SHANK2: variants seen among roughly 807,000 people sequenced by gnomAD.
SHANK2 encodes the protein SH3 and multiple ankyrin repeat domains 2.
Under a neutral mutation model 133.7 loss-of-function variants are expected in SHANK2, and 43 were observed. That is an observed-to-expected ratio of 0.32 (90% CI 0.25 to 0.41). The LOEUF (loss-of-function observed/expected upper bound fraction) is 0.41, where lower values mean the gene tolerates loss of function less well. Ranked by LOEUF, SHANK2 falls within the 10% of genes least tolerant of loss-of-function variation. SHANK2 has a pLI of 1.00. For missense variants in SHANK2, 1,994 were observed against 2,235.8 expected (o/e 0.89, Z 2.18); for synonymous variants, 1,017 against 952.8 (o/e 1.07, Z -1.24).
chr11:70,570,060 G>A (rs1234953862), intron 17 of SHANK2, among the ~76,000 whole-genome samples: 5 of 152,168 alleles, frequency 3.3e-5, no homozygotes, highest in African/African-American at 7.2e-5. Context: ...TGAGCTGTTC[G>A]GTTGGGCCTC....
intron 8 of SHANK2, among the ~76,000 whole-genome samples, chr11:71,090,347 CCTCT>C: frequency 7.4e-5 from 1 of 13,512 alleles, no homozygotes; most frequent in African/African-American, 3.4e-4. Flanking sequence ...AGAAACACAA[CCTCT>C]GTGTGTGTGT....
In SHANK2 at chr11:70,479,060, C is replaced by T. The variant is rs778841463; in HGVS notation, c.4980-5621G>A. Among the ~76,000 whole-genome samples the T allele has an allele frequency of 1.3e-5, 2 of 152,148 alleles. No individual in the cohort carries two copies. Among genetic ancestry groups the T allele is most frequent in the African/African-American group, 2.4e-5 (1 of 41,416 alleles). Reference sequence around the variant, plus strand: ...GACTTGAGATTTGCCTGTTGATGGGCAAGGACGAGGCACTCCCATTCATCC... The same window carrying T: ...GACTTGAGATTTGCCTGTTGATGGGTAAGGACGAGGCACTCCCATTCATCC... On this transcript the variant is annotated intron_variant, in intron 25 of 25. Coordinates refer to ENST00000601538, the MANE Select transcript of SHANK2 (RefSeq NM_012309.5). The surrounding 1 kb of genome is among the most constrained non-coding windows in gnomAD (Gnocchi z 4.4).
At chr11:70,555,298 C>T (rs1209605720) in intron 17 of SHANK2, among the ~76,000 whole-genome samples, 8 of 152,278 alleles carry the variant, frequency 5.3e-5, no homozygotes, top group East Asian at 1.9e-4. Flanking sequence ...TGAAAGGAAG[C>T]GTCACACATC....
At chr11:70,559,146 G>A (rs1554980293) in intron 17 of SHANK2, among the ~76,000 whole-genome samples, 1 of 152,032 alleles carries the variant, frequency 6.6e-6, no homozygotes, top group Non-Finnish European at 1.5e-5. Flanking sequence ...AGCCTCCTGA[G>A]TCGCTGGGAT....
At chr11:71,239,899 G>A (rs1423605959) in intron 1 of SHANK2, among the ~76,000 whole-genome samples, 1 of 152,166 alleles carries the variant, frequency 6.6e-6, no homozygotes, top group Non-Finnish European at 1.5e-5. Context: ...AGCCCACCAG[G>A]CACAGGCTAC....
intron 11 of SHANK2, among the ~76,000 whole-genome samples, chr11:70,881,479 C>G (rs1949658559): frequency 6.6e-6 from 1 of 151,160 alleles, no homozygotes; most frequent in Admixed American, 6.6e-5. Flanking sequence ...CTTTGTGAGA[C>G]TGAGGTAGAA....
intron 7 of SHANK2, among the ~76,000 whole-genome samples, chr11:71,093,465 G>A (rs1240578501): frequency 6.6e-6 from 1 of 152,062 alleles, no homozygotes; most frequent in Non-Finnish European, 1.5e-5. Flanking sequence ...GAGGTGATGG[G>A]TCATGGGGGC....
At chr11:70,945,241 C>G (rs192667008) in intron 10 of SHANK2, among the ~76,000 whole-genome samples, 18 of 152,246 alleles carry the variant, frequency 1.2e-4, no homozygotes, top group Non-Finnish European at 2.2e-4. Flanking sequence ...AGGAAGCATT[C>G]TAGTCAGAGT....
At chr11:70,643,026 A>C (rs1555006911) in intron 17 of SHANK2, among the ~76,000 whole-genome samples, 1 of 152,212 alleles carries the variant, frequency 6.6e-6, no homozygotes, top group East Asian at 1.9e-4. Flanking sequence ...CATCGTGTGC[A>C]TGTATCAAAA....
At chr11:70,526,945 G>A (rs1310015767) in intron 17 of SHANK2, among the ~76,000 whole-genome samples, 1 of 111,956 alleles carries the variant, frequency 8.9e-6, no homozygotes, top group Non-Finnish European at 1.9e-5. Flanking sequence ...CCCTGTCCTC[G>A]TCTCAGAGGT....
intron 15 of SHANK2, among the ~76,000 whole-genome samples, chr11:70,672,377 C>G (rs1238936641): frequency 6.6e-6 from 1 of 152,160 alleles, no homozygotes; most frequent in South Asian, 2.1e-4. Context: ...CCATTATAAT[C>G]GAGGATAAAA....
At chr11:70,644,358 C>CT (rs2061231422) in intron 17 of SHANK2, among the ~76,000 whole-genome samples, 1 of 152,148 alleles carries the variant, frequency 6.6e-6, no homozygotes, top group African/African-American at 2.4e-5. Flanking sequence ...ACCCACCATC[C>CT]TACTTTCTGT....
At chr11:70,863,665 G>A (rs1590771147) in intron 11 of SHANK2, 3 of 423,724 alleles carry the variant, frequency 7.1e-6, no homozygotes. Flanking sequence ...CTGGCATCCT[G>A]GGCTGGGGGT....
chr11:71,161,584 G>A (rs1442059600), intron 2 of SHANK2, among the ~76,000 whole-genome samples: 7 of 152,132 alleles, frequency 4.6e-5, no homozygotes, highest in Non-Finnish European at 8.8e-5. Flanking sequence ...TTGATTCCAG[G>A]TCTTTACATA....
intron 15 of SHANK2, among the ~76,000 whole-genome samples, chr11:70,680,523 T>C (rs1439623501): frequency 1.2e-4 from 18 of 152,170 alleles, no homozygotes. Context: ...TCTGACCCCC[T>C]GCCCTCTGAT....
intron 14 of SHANK2, among the ~76,000 whole-genome samples, chr11:70,784,723 T>G (rs1395753125): frequency 2.0e-5 from 3 of 152,170 alleles, no homozygotes; most frequent in African/African-American, 7.2e-5. Context: ...TGGGAGCCTG[T>G]GGCTGAGGTC....
At chr11:71,151,131 G>A (rs1555107995) in intron 2 of SHANK2, among the ~76,000 whole-genome samples, 1 of 152,122 alleles carries the variant, frequency 6.6e-6, no homozygotes, top group East Asian at 1.9e-4. Flanking sequence ...GTACACTGAG[G>A]CTCACCCTGC....
chr11:71,221,991 CAGG>C (rs1387187628), intron 2 of SHANK2, among the ~76,000 whole-genome samples: 1 of 152,154 alleles, frequency 6.6e-6, no homozygotes, highest in African/African-American at 2.4e-5. Context: ...CCTGAGGAAG[CAGG>C]AGAAGCCGCT....
chr11:70,560,911 G>T (rs1480305481), intron 17 of SHANK2, among the ~76,000 whole-genome samples: 3 of 151,912 alleles, frequency 2.0e-5, no homozygotes, highest in Non-Finnish European at 2.9e-5. Context: ...ACAGGCGTGA[G>T]CCACGGTGCC....
Sources: allele counts gnomAD v4.1 joint callset (sites outside exome capture counted in the v4.1 genomes callset), GRCh38; gene constraint gnomAD v4.1.1; non-coding constraint Gnocchi (gnomAD v3.1); transcripts MANE v1.5; gene names NCBI Gene and HGNC (gene_info 2026-07-23, HGNC 2026-07-21).